Variants in VWA3A observed in about 807,000 individuals in gnomAD.
VWA3A encodes the protein von Willebrand factor A domain containing 3A, also known as von Willebrand factor A domain-containing protein 3A.
A neutral mutation model predicts 160.4 loss-of-function variants in VWA3A; 134 were observed. That is an observed-to-expected ratio of 0.84 (90% CI 0.73 to 0.96). The LOEUF is 0.96. VWA3A is among the 40% of genes least tolerant of loss of function. VWA3A has a pLI of 0.00. For synonymous variants in VWA3A, 476 were observed against 543.4 expected (o/e 0.88, Z 1.72); for missense variants, 1,310 against 1,447.9 (o/e 0.90, Z 1.55).
intron 17 of VWA3A, among the ~76,000 whole-genome samples, chr16:22,130,286 G>A (rs988921592): frequency 6.6e-6 from 1 of 152,176 alleles, no homozygotes; most frequent in Non-Finnish European, 1.5e-5. Context: ...AGGGGAAAGA[G>A]AAAAGAGCGA....
At chr16:22,115,148 T>A (rs1473797511) in intron 8 of VWA3A, among the ~76,000 whole-genome samples, 199 bp from the exon 9 acceptor site, 7 of 152,176 alleles carry the variant, frequency 4.6e-5, no homozygotes, top group East Asian at 1.9e-4. Flanking sequence ...GGATGCCACA[T>A]ACCTGCAGTC....
At position 22,116,222 on chromosome 16, in the gene VWA3A, G is replaced by C. The variant is rs141501055; in HGVS notation, c.816-537G>C. The stretch of plus-strand genomic sequence containing the variant: ...AGAGAAAGGAAAGAAGGAAGAGAAG[G>C]AAGGAAAGAGAAAGGAAAGAAGGAA... On this transcript the variant is annotated intron_variant, in intron 9 of 33. Transcript: ENST00000389398. The C allele has an allele frequency of 2.3e-4, 86 of 375,306 alleles. 1 individual carries two copies. Among genetic ancestry groups the C allele is most frequent in the African/African-American group, 1.7e-3 (77 of 44,280 alleles). The allele number at this position is 375,306 out of a possible 1,614,324, so 23.2% of individuals were successfully genotyped here.
In VWA3A at chr16:22,156,021, C is replaced by A; in HGVS notation, c.*15-11C>A. 1 of 1,272,770 alleles carries A rather than the reference C, an allele frequency of 7.9e-7. No homozygotes were observed. Among genetic ancestry groups the A allele is most frequent in the Non-Finnish European group, 1.1e-6 (1 of 907,260 alleles). The allele number at this position is 1,272,770 out of a possible 1,614,324, so 78.8% of individuals were successfully genotyped here. ...TAACTTTGGTTAAAAAATAATGATT[C>A]CTCTAAACAGAAAAGTCATCCTGCA... is the stretch of plus-strand genomic sequence containing the variant. On this transcript the variant is annotated splice_polypyrimidine_tract_variant and intron_variant, in intron 33 of 33. Coordinates refer to ENST00000389398, the MANE Select transcript of VWA3A (RefSeq NM_173615.5).
At chr16:22,151,275 C>CAA (rs528478882) in intron 30 of VWA3A, among the ~76,000 whole-genome samples, 20 of 104,948 alleles carry the variant, frequency 1.9e-4, no homozygotes, top group East Asian at 1.6e-3. Context: ...GTGAGACTGT[C>CAA]AAAAAAAAAA....
chr16:22,111,050 C>T, intron 8 of VWA3A, 56 bp downstream of exon 8: 7 of 1,442,662 alleles, frequency 4.9e-6, no homozygotes, highest in Non-Finnish European at 6.6e-6. Context: ...CCTCCCTAAC[C>T]AGCAGAGTCT....
chr16:22,138,255 G>A, intron 21 of VWA3A, 105 bp from the exon 22 acceptor site: 1 of 1,370,364 alleles, frequency 7.3e-7, no homozygotes, highest in East Asian at 2.5e-5. Flanking sequence ...GGAGTCCAGG[G>A]GACATCAGAG....
Position 22,139,553 on chromosome 16 carries a change from G to T in VWA3A, c.2293-601G>T, listed in dbSNP as rs1176333267. ...TATTAAAAATACAGAAATTAGCCGG[G>T]TGTGGTGGCGGGTGCCTGTAATCCC... On this transcript the variant is annotated intron_variant, in intron 22 of 33. Transcript: ENST00000389398. 5.9e-5 allele frequency among the ~76,000 whole-genome samples: 9 copies of T among 152,268 alleles called. No individual in the cohort carries two copies. In the East Asian group the frequency reaches 1.2e-3, roughly 20 times the overall value.
At chr16:22,097,837 T>C in intron 3 of VWA3A, 142 bp downstream of exon 3, 3 of 1,183,226 alleles carry the variant, frequency 2.5e-6, no homozygotes, top group Non-Finnish European at 3.5e-6. Context: ...TCTCTAATCC[T>C]CTGCCTTCAG....
chr16:22,144,899 G>A (rs775373300), intron 26 of VWA3A, among the ~76,000 whole-genome samples: 6 of 152,108 alleles, frequency 3.9e-5, no homozygotes, highest in Non-Finnish European at 7.3e-5. Flanking sequence ...GGGCCATGGG[G>A]CAGGAGCCTG....
At chr16:22,118,009 G>T (rs913239123) in intron 11 of VWA3A, among the ~76,000 whole-genome samples, 6 of 152,220 alleles carry the variant, frequency 3.9e-5, no homozygotes, top group African/African-American at 1.2e-4. Flanking sequence ...GACCAGGCAT[G>T]GTGGCTCATG....
At chr16:22,122,144 G>A (rs950709051) in intron 14 of VWA3A, among the ~76,000 whole-genome samples, 2 of 143,642 alleles carry the variant, frequency 1.4e-5, no homozygotes, top group African/African-American at 5.1e-5. Context: ...TGGATGGATG[G>A]ATGGATGGAT....
intron 21 of VWA3A, among the ~76,000 whole-genome samples, chr16:22,137,978 A>G (rs1039186566): frequency 1.3e-5 from 2 of 152,204 alleles, no homozygotes; most frequent in African/African-American, 4.8e-5. Context: ...TCAGGGCTTC[A>G]TGATAACTAG....
At chr16:22,115,760 C>T (rs1210823494) in intron 9 of VWA3A, among the ~76,000 whole-genome samples, 1 of 149,680 alleles carries the variant, frequency 6.7e-6, no homozygotes, top group African/African-American at 2.5e-5. Flanking sequence ...TTGATTAAGC[C>T]CAGGAGTTTA....
chr16:22,117,046 G>A, intron 10 of VWA3A, 65 bp from the exon 11 acceptor site: 1 of 1,528,432 alleles, frequency 6.5e-7, no homozygotes, highest in Non-Finnish European at 8.9e-7. Flanking sequence ...GTTCAGTCAA[G>A]GAGAAGGCTT....
chr16:22,103,503 C>T lies in VWA3A; in HGVS notation c.457C>T (p.Gln153Ter). ...DTIEVYQERI[Q>*]WLTENSKKAF... ...TATTGAAGTCTATCAAGAGAGAATT[C>T]AGTGGCTCACAGAAAACAGCAAGAA... The change falls in exon 6 of 34, where the codon CAG becomes TAG. Residue 153 changes from glutamine (Q) to a stop codon, truncating the protein, a stop_gained. Transcript: ENST00000389398. LOFTEE classifies it high-confidence loss of function. The T allele has an allele frequency of 6.4e-7, 1 of 1,551,836 alleles. No individual in the cohort carries two copies. The highest frequency in any genetic ancestry group is 8.7e-7 in the Non-Finnish European group (1 of 1,146,992).
intron 31 of VWA3A, among the ~76,000 whole-genome samples, chr16:22,153,375 C>T (rs2046383320): frequency 6.6e-6 from 1 of 152,078 alleles, no homozygotes; most frequent in African/African-American, 2.4e-5. Context: ...AAAAACTAGT[C>T]AGAGGAAGTG....
chr16:22,121,455 A>G, intron 13 of VWA3A, 59 bp from the exon 14 acceptor site: 1 of 1,372,148 alleles, frequency 7.3e-7, no homozygotes, highest in African/African-American at 1.4e-5. Flanking sequence ...AAAAAATAAA[A>G]GGCTTGAACC....
intron 19 of VWA3A, among the ~76,000 whole-genome samples, chr16:22,132,632 AT>A (rs2045968196): frequency 6.6e-6 from 1 of 152,146 alleles, no homozygotes; most frequent in South Asian, 2.1e-4. Flanking sequence ...GGGAGTCTGC[AT>A]TTCTGGCAGG....
intron 27 of VWA3A, chr16:22,147,633 G>T (rs1274601813): frequency 1.4e-6 from 1 of 703,256 alleles, no homozygotes; most frequent in Non-Finnish European, 2.6e-6. Flanking sequence ...CATGATGACT[G>T]CTGCTTCAGG....
Sources: gnomAD v4.1 joint callset for allele counts (sites outside exome capture counted in the v4.1 genomes callset) on GRCh38, gnomAD v4.1.1 for gene constraint, MANE v1.5 for transcripts, NCBI Gene and HGNC (gene_info 2026-07-23, HGNC 2026-07-21) for gene names.